ABCD3: variants seen among roughly 807,000 people sequenced by gnomAD.
ABCD3 encodes the protein ATP binding cassette subfamily D member 3, also known as ATP-binding cassette sub-family D member 3.
Under a neutral mutation model 105.5 loss-of-function variants are expected in ABCD3, and 41 were observed. The observed-to-expected ratio is 0.39, with a 90% CI of 0.30 to 0.50. The LOEUF (loss-of-function observed/expected upper bound fraction) is 0.50, where lower values mean the gene tolerates loss of function less well. Ranked by LOEUF, ABCD3 falls within the 20% of genes least tolerant of loss-of-function variation. ABCD3 has a pLI of 0.84. For synonymous variants in ABCD3, 258 were observed against 269.0 expected, an observed-to-expected ratio of 0.96 and a Z score of 0.40; for missense variants, 622 against 806.3, an observed-to-expected ratio of 0.77 and a Z score of 2.77.
At chr1:94,445,228 C>T (rs552255878) in intron 1 of ABCD3, among the ~76,000 whole-genome samples, 32 of 152,232 alleles carry the variant, frequency 2.1e-4, no homozygotes, top group African/African-American at 7.5e-4. Flanking sequence ...CTCTATATTT[C>T]TGTGTGTGTG....
At position 94,484,439 on chromosome 1, in the gene ABCD3, A is replaced by G. The variant is rs533159510; in HGVS notation, c.897+1200A>G. On this transcript the variant is annotated intron_variant, in intron 10 of 22. Transcript: ENST00000370214. Reference sequence around the variant, plus strand: ...AAAGAAAATGTGGCACATATACACCATGGAATACTATGCAGCCATAAAAAT... The same window carrying G: ...AAAGAAAATGTGGCACATATACACCGTGGAATACTATGCAGCCATAAAAAT... Among the ~76,000 whole-genome samples, 42 of 152,378 alleles carry G rather than the reference A, an allele frequency of 2.8e-4. No individual in the cohort carries two copies. In the South Asian group the frequency reaches 8.7e-3, roughly 32 times the overall value.
chr1:94,416,006 T>A (rs1658993598), upstream of ABCD3, among the ~76,000 whole-genome samples: 1 of 152,230 alleles, frequency 6.6e-6, no homozygotes, highest in Non-Finnish European at 1.5e-5. Flanking sequence ...GAATAACTAG[T>A]GTAATTTTTT....
chr1:94,389,595 G>T, the ABCD3 span, among the ~76,000 whole-genome samples: 4 of 152,144 alleles, frequency 2.6e-5, no homozygotes, highest in Non-Finnish European at 4.4e-5. Context: ...TTTATCACTG[G>T]CTTGCTGTCA....
In ABCD3 at chr1:94,510,200, C is replaced by T. The variant is rs992469168; in HGVS notation, c.1845+3558C>T. On this transcript the variant is annotated intron_variant, in intron 21 of 22. Transcript: ENST00000370214. Reference sequence around the variant, plus strand: ...TTCTGGTATGTTGTGTCTTTGTTCTCCTTGGTTTCAAAGAACATCTTTATT... The same window carrying T: ...TTCTGGTATGTTGTGTCTTTGTTCTTCTTGGTTTCAAAGAACATCTTTATT... Among the ~76,000 whole-genome samples, 41 of 152,156 alleles carry T rather than the reference C, an allele frequency of 2.7e-4. 1 individual carries two copies. The highest frequency in any genetic ancestry group is 8.9e-4 in the African/African-American group (37 of 41,528).
At chr1:94,451,832 T>C (rs1647273443) in intron 1 of ABCD3, among the ~76,000 whole-genome samples, 1 of 152,232 alleles carries the variant, frequency 6.6e-6, no homozygotes, top group African/African-American at 2.4e-5. Flanking sequence ...AAAAATACTT[T>C]GCCATTTGAG....
At chr1:94,421,464 A>G (rs1053570602) in intron 1 of ABCD3, among the ~76,000 whole-genome samples, 4 of 151,956 alleles carry the variant, frequency 2.6e-5, no homozygotes, top group African/African-American at 9.7e-5. Flanking sequence ...TTTATTATTT[A>G]TGGGGAAAAG....
the ABCD3 span, among the ~76,000 whole-genome samples, chr1:94,398,902 CAG>C: frequency 2.6e-5 from 4 of 151,954 alleles, no homozygotes; most frequent in East Asian, 5.8e-4. Flanking sequence ...GACAGACTGA[CAG>C]AGTGAGACTC....
chr1:94,472,212 A>G (rs1403586677), intron 4 of ABCD3: 1 of 980,922 alleles, frequency 1.0e-6, no homozygotes, highest in Non-Finnish European at 1.2e-6. Flanking sequence ...TCAAGAAACC[A>G]TTTTTTAAAT....
chr1:94,457,419 A>G (rs981942422), intron 1 of ABCD3, among the ~76,000 whole-genome samples: 3 of 152,190 alleles, frequency 2.0e-5, no homozygotes, highest in African/African-American at 7.2e-5. Context: ...GAAGATGTGC[A>G]TTCGGCAGAT....
intron 1 of ABCD3, among the ~76,000 whole-genome samples, chr1:94,450,791 T>A (rs1001395854): frequency 6.6e-6 from 1 of 152,220 alleles, no homozygotes; most frequent in Non-Finnish European, 1.5e-5. Flanking sequence ...ATCTCGGCAA[T>A]TTTTACCCCT....
At chr1:94,443,605 T>G (rs1660216529) in intron 1 of ABCD3, among the ~76,000 whole-genome samples, 1 of 152,242 alleles carries the variant, frequency 6.6e-6, no homozygotes, top group African/African-American at 2.4e-5. Flanking sequence ...TTCTGGGATT[T>G]GTGTAGTTTT....
chr1:94,432,661 C>A (rs1406898618), intron 1 of ABCD3: 1 of 152,016 alleles, frequency 6.6e-6, no homozygotes, highest in Non-Finnish European at 1.5e-5. Context: ...AGGTAAAAGG[C>A]AGAATAAAAC....
chr1:94,460,665 T>C (rs1647825943), intron 2 of ABCD3, among the ~76,000 whole-genome samples: 1 of 152,158 alleles, frequency 6.6e-6, no homozygotes. Context: ...GATGCTGGCT[T>C]CTAGTGATTA....
At chr1:94,487,398 A>G in intron 10 of ABCD3, 144 bp from the exon 11 acceptor site, 2 of 795,664 alleles carry the variant, frequency 2.5e-6, no homozygotes, top group South Asian at 1.5e-5. Flanking sequence ...GTGATGTACA[A>G]TATAAACAGA....
intron 16 of ABCD3, among the ~76,000 whole-genome samples, 161 bp from the exon 17 acceptor site, chr1:94,498,441 A>G (rs924587735): frequency 6.6e-6 from 1 of 152,206 alleles, no homozygotes; most frequent in African/African-American, 2.4e-5. Context: ...AGGTCCCTTC[A>G]CAATACCTCT....
Position 94,477,517 on chromosome 1 carries a change from T to C in ABCD3, c.628-742T>C, listed in dbSNP as rs182725366. Among the ~76,000 whole-genome samples, 351 of 151,992 alleles carry C rather than the reference T, an allele frequency of 2.3e-3. 3 individuals are homozygous for C. The highest frequency in any genetic ancestry group is 7.8e-3 in the African/African-American group (325 of 41,452). On this transcript the variant is annotated intron_variant, in intron 7 of 22. Transcript: ENST00000370214. ...AATGTGCGCCTGTACTCCCAGCTACTCCAGAGGCTGCAGTGAGCCAAGATC... is the reference window on the plus strand; with the variant it reads ...AATGTGCGCCTGTACTCCCAGCTACCCCAGAGGCTGCAGTGAGCCAAGATC...
chr1:94,511,199 T>A (rs937136436), intron 21 of ABCD3, among the ~76,000 whole-genome samples: 1 of 152,140 alleles, frequency 6.6e-6, no homozygotes, highest in Non-Finnish European at 1.5e-5. Flanking sequence ...GGTGACAAAA[T>A]CTCTCAGCAT....
At chr1:94,392,277 T>G in the ABCD3 span, among the ~76,000 whole-genome samples, 1 of 152,322 alleles carries the variant, frequency 6.6e-6, no homozygotes, top group South Asian at 2.1e-4. Flanking sequence ...CAATGCACAG[T>G]CTGCCATGGA....
the ABCD3 span, among the ~76,000 whole-genome samples, chr1:94,407,205 C>A: frequency 2.0e-5 from 3 of 152,250 alleles, no homozygotes; most frequent in South Asian, 6.2e-4. Context: ...GGCTAGAGTG[C>A]AATGGCCCGA....
Sources: gnomAD v4.1 joint callset for allele counts (sites outside exome capture counted in the v4.1 genomes callset) on GRCh38, gnomAD v4.1.1 for gene constraint, MANE v1.5 for transcripts, NCBI Gene and HGNC (gene_info 2026-07-23, HGNC 2026-07-21) for gene names.